The following CNKSR2 variants were observed in gnomAD, a reference collection of about 807,000 sequenced individuals.
CNKSR2 encodes connector enhancer of kinase suppressor of Ras 2, also known as CNK homolog protein 2.
CNKSR2 carries 14 observed loss-of-function variants against 84.4 expected under a neutral mutation model. The ratio of observed to expected loss-of-function variants is 0.17; its 90% CI spans 0.11 to 0.26. CNKSR2 has a LOEUF of 0.26. Ranked by LOEUF, CNKSR2 falls within the 10% of genes least tolerant of loss-of-function variation. The pLI is 1.00. For synonymous variants in CNKSR2, 275 were observed against 277.9 expected (o/e 0.99, Z 0.10); for missense variants, 485 against 771.2 (o/e 0.63, Z 4.40).
At chrX:21,613,337 C>A (rs1201750279) in intron 20 of CNKSR2, among the ~76,000 whole-genome samples, 1 of 111,826 alleles carries the variant, frequency 8.9e-6, no homozygotes, top group Admixed American at 9.5e-5. Context: ...TTTTGAAAAC[C>A]ATTATCCCTT....
chrX:21,564,861 T>C (rs2092224884), intron 13 of CNKSR2, among the ~76,000 whole-genome samples: 1 of 111,265 alleles, frequency 9.0e-6, no homozygotes, highest in African/African-American at 3.3e-5. Context: ...CACTAGTGCC[T>C]GTATCAGAAT....
intron 7 of CNKSR2, among the ~76,000 whole-genome samples, chrX:21,498,086 G>C (rs888433972): frequency 1.9e-4 from 21 of 111,359 alleles, no homozygotes; most frequent in Non-Finnish European, 7.6e-5. Context: ...ATTTGTCTTT[G>C]TATTTTCTGA....
At chrX:21,550,617 C>T (rs757922819) in intron 11 of CNKSR2, among the ~76,000 whole-genome samples, 7 of 112,273 alleles carry the variant, frequency 6.2e-5, no homozygotes, top group Admixed American at 1.9e-4. Flanking sequence ...CACATGCACA[C>T]GTATGTTTAT....
chrX:21,385,633 T>C (rs2089957591), intron 1 of CNKSR2, among the ~76,000 whole-genome samples: 1 of 112,037 alleles, frequency 8.9e-6, no homozygotes, highest in South Asian at 3.7e-4. Context: ...TATATACCTG[T>C]ATATTTATTA....
chrX:21,555,984 G>A (rs964521970), intron 11 of CNKSR2, among the ~76,000 whole-genome samples: 1 of 110,784 alleles, frequency 9.0e-6, no homozygotes, highest in East Asian at 2.8e-4. Flanking sequence ...AACTAGTTCT[G>A]ACTTGATTGG....
intron 13 of CNKSR2, among the ~76,000 whole-genome samples, chrX:21,579,220 A>G (rs922116455): frequency 1.8e-5 from 2 of 111,868 alleles, no homozygotes; most frequent in African/African-American, 6.5e-5. Flanking sequence ...CTAAACTAGA[A>G]CCATATAGAC....
chrX:21,475,346 T>TA (rs902795219), intron 5 of CNKSR2, among the ~76,000 whole-genome samples: 2 of 112,120 alleles, frequency 1.8e-5, no homozygotes, highest in Non-Finnish European at 3.8e-5. Flanking sequence ...AAATTTTTTC[T>TA]AAAAAATAAG....
intron 6 of CNKSR2, chrX:21,495,499 A>G (rs1201324252): frequency 9.1e-6 from 1 of 110,007 alleles, no homozygotes; most frequent in Non-Finnish European, 1.9e-5. Flanking sequence ...AAAACTAAAA[A>G]TTGGCCAGGC....
chrX:21,526,551 CTG>C (rs2091836673), intron 9 of CNKSR2, among the ~76,000 whole-genome samples: 1 of 110,995 alleles, frequency 9.0e-6, no homozygotes, highest in African/African-American at 3.3e-5. Flanking sequence ...AAGTTTCTAA[CTG>C]TGAGATAAAT....
chrX:21,637,531 C>T (rs772132497), intron 20 of CNKSR2: 1 of 111,237 alleles, frequency 9.0e-6, no homozygotes, highest in East Asian at 2.8e-4. Context: ...AACTCCTTCT[C>T]CCTATGGTAT....
intron 1 of CNKSR2, among the ~76,000 whole-genome samples, chrX:21,408,809 G>C (rs552252663): frequency 3.6e-5 from 4 of 109,764 alleles, no homozygotes; most frequent in Middle Eastern, 9.5e-3. Flanking sequence ...ATATATTTTT[G>C]TCCTCTTATA....
At chrX:21,498,545 T>C (rs770993524) in intron 7 of CNKSR2, among the ~76,000 whole-genome samples, 9 of 112,072 alleles carry the variant, frequency 8.0e-5, no homozygotes, top group Non-Finnish European at 1.5e-4. Flanking sequence ...TAACCTCTCA[T>C]TGCTTCAGTT....
At chrX:21,519,725 A>G (rs1220819412) in intron 9 of CNKSR2, among the ~76,000 whole-genome samples, 2 of 111,354 alleles carry the variant, frequency 1.8e-5, no homozygotes, top group East Asian at 5.7e-4. Flanking sequence ...TATTTAACTC[A>G]ATATGTCTAT....
rs200187419 is a variant in CNKSR2, at chrX:21,588,773, GT to G, written c.1609-1797del. ...CATAGAAGGTACATTATATAACCCA[GT>G]TCTTTCAAGCTGTCTGTAATCTATG... On this transcript the variant is annotated intron_variant, in intron 13 of 21. Coordinates refer to ENST00000379510, the MANE Select transcript of CNKSR2 (RefSeq NM_014927.5). Among the ~76,000 whole-genome samples, 674 of 111,810 alleles carry G rather than the reference GT, an allele frequency of 6.0e-3. 6 individuals carry two copies. Among genetic ancestry groups the G allele is most frequent in the African/African-American group, 0.021 (637 of 30,834 alleles).
intron 1 of CNKSR2, among the ~76,000 whole-genome samples, chrX:21,388,487 A>G (rs2090003014): frequency 8.9e-6 from 1 of 111,992 alleles, no homozygotes; most frequent in Admixed American, 9.5e-5. Context: ...AGCATCCTGT[A>G]GTGCCATAAA....
intron 4 of CNKSR2, among the ~76,000 whole-genome samples, chrX:21,451,704 G>C (rs1040349204): frequency 2.8e-5 from 2 of 71,294 alleles, no homozygotes; most frequent in South Asian, 1.5e-3. Flanking sequence ...GTTGTGGGGT[G>C]GGGGGAGGGG....
intron 1 of CNKSR2, among the ~76,000 whole-genome samples, chrX:21,414,956 C>T: frequency 9.0e-6 from 1 of 111,353 alleles, no homozygotes; most frequent in Non-Finnish European, 1.9e-5. Context: ...TACTATACCT[C>T]AGTAGTATAA....
intron 4 of CNKSR2, among the ~76,000 whole-genome samples, chrX:21,470,340 A>G (rs929767279): frequency 8.9e-6 from 1 of 111,738 alleles, no homozygotes; most frequent in African/African-American, 3.3e-5. Context: ...TTTTGATAGG[A>G]CTATTGAAAT....
At chrX:21,410,257 T>C (rs1041794125) in intron 1 of CNKSR2, among the ~76,000 whole-genome samples, 2 of 111,450 alleles carry the variant, frequency 1.8e-5, no homozygotes, top group African/African-American at 6.5e-5. Flanking sequence ...CCAGATGTTT[T>C]ATATGCACAT....
Sources: gnomAD v4.1 joint callset for allele counts (sites outside exome capture counted in the v4.1 genomes callset) on GRCh38, gnomAD v4.1.1 for gene constraint, MANE v1.5 for transcripts, NCBI Gene and HGNC (gene_info 2026-07-23, HGNC 2026-07-21) for gene names.